The following TRMT11 variants were observed in gnomAD, a reference collection of about 807,000 sequenced individuals.
The protein encoded by TRMT11 is tRNA methyltransferase 11.
In TRMT11, 53 loss-of-function variants were observed where a neutral mutation model predicts 62.8. The observed-to-expected ratio is 0.84, with a 90% CI of 0.68 to 1.06. TRMT11 has a LOEUF of 1.06. TRMT11 is among the 50% of genes least tolerant of loss of function. The pLI, the probability that TRMT11 is intolerant of heterozygous loss-of-function variation, is 0.00. For synonymous variants in TRMT11, 188 were observed against 190.3 expected, an observed-to-expected ratio of 0.99 and a Z score of 0.10; for missense variants, 556 against 553.4, an observed-to-expected ratio of 1.00 and a Z score of -0.05.
chr6:126,219,101 T>G, the TRMT11 span, among the ~76,000 whole-genome samples: 1 of 152,338 alleles, frequency 6.6e-6, no homozygotes, highest in East Asian at 1.9e-4. Flanking sequence ...TGTTGGCAAT[T>G]CACGACTGTC....
chr6:126,237,044 A>G, the TRMT11 span, among the ~76,000 whole-genome samples: 5 of 151,078 alleles, frequency 3.3e-5, no homozygotes, highest in African/African-American at 1.2e-4. Context: ...AAACCTTTCT[A>G]GGTACTTGAC....
Position 126,011,383 on chromosome 6 carries a change from G to C in TRMT11, c.891G>C (p.Arg297Ser). Residue 297 changes from arginine (R) to serine (S), a missense_variant, in exon 9 of 13, where the codon AGG becomes AGC. Transcript: ENST00000334379. Reference protein sequence around the residue: ...LVSDASKPSWRKGTYFDAIIT... With the variant: ...LVSDASKPSWSKGTYFDAIIT... ...CAGATGCATCTAAACCTTCCTGGAG[G>C]AAGGGCACATATTTTGATGCAATCA... 2 of 1,613,082 alleles carry C rather than the reference G, an allele frequency of 1.2e-6. No homozygotes were observed. The highest frequency in any genetic ancestry group is 1.7e-6 in the Non-Finnish European group (2 of 1,179,426).
intron 21 of TRMT11, among the ~76,000 whole-genome samples, chr6:126,171,579 T>C (rs2128236184): frequency 6.6e-6 from 1 of 152,144 alleles, no homozygotes; most frequent in East Asian, 1.9e-4. Flanking sequence ...GCTCTTATAG[T>C]ATTCTTAGTG....
At chr6:126,269,354 A>G in the TRMT11 span, among the ~76,000 whole-genome samples, 1 of 152,080 alleles carries the variant, frequency 6.6e-6, no homozygotes, top group Admixed American at 6.5e-5. Flanking sequence ...AAAGCAAAAT[A>G]CACCTCTATA....
chr6:126,229,113 T>A, the TRMT11 span, among the ~76,000 whole-genome samples: 1 of 152,218 alleles, frequency 6.6e-6, no homozygotes, highest in Non-Finnish European at 1.5e-5. Flanking sequence ...TATTTCTGTG[T>A]TCTCTGATGT....
At chr6:126,250,756 A>T in the TRMT11 span, among the ~76,000 whole-genome samples, 1 of 152,188 alleles carries the variant, frequency 6.6e-6, no homozygotes, top group African/African-American at 2.4e-5. Flanking sequence ...ACTTGACTAT[A>T]TCCTTCTACC....
At chr6:126,182,100 A>G (rs979003421) in intron 1 of TRMT11, among the ~76,000 whole-genome samples, 2 of 152,222 alleles carry the variant, frequency 1.3e-5, no homozygotes, top group Non-Finnish European at 2.9e-5. Flanking sequence ...GAAAGCTTTT[A>G]TAACTTTATA....
chr6:126,246,052 G>A, the TRMT11 span, among the ~76,000 whole-genome samples: 100 of 152,152 alleles, frequency 6.6e-4, no homozygotes, highest in Admixed American at 1.2e-3. Context: ...GCCCAGATTC[G>A]TGCAAATTGC....
rs1352709292 is a variant in TRMT11, at chr6:126,072,252, G to T, written c.*1437+19062G>T. Among the ~76,000 whole-genome samples, 6 of 152,144 alleles carry T rather than the reference G, an allele frequency of 3.9e-5. No homozygotes were observed. In the East Asian group the frequency reaches 9.6e-4, roughly 24 times the overall value. ...TCTATTTCTAGGGAGCTCTGAAGTT[G>T]AACTAATGCTGCCCTTTAGCATAAG... On this transcript the variant is annotated intron_variant and NMD_transcript_variant, in intron 17 of 22. Coordinates refer to the TRMT11 transcript ENST00000648977.
chr6:126,146,097 T>C (rs951979904), intron 21 of TRMT11, among the ~76,000 whole-genome samples: 11 of 152,228 alleles, frequency 7.2e-5, no homozygotes, highest in East Asian at 3.8e-4. Context: ...GATTGCCTTC[T>C]TCCAAGCCAG....
the TRMT11 span, among the ~76,000 whole-genome samples, chr6:126,238,835 T>A: frequency 6.6e-6 from 1 of 152,184 alleles, no homozygotes; most frequent in Non-Finnish European, 1.5e-5. Flanking sequence ...ATTATTATTG[T>A]GTGGGAGTCT....
At chr6:126,162,401 G>A (rs914186994) in intron 21 of TRMT11, among the ~76,000 whole-genome samples, 2 of 152,182 alleles carry the variant, frequency 1.3e-5, no homozygotes, top group African/African-American at 4.8e-5. Flanking sequence ...CGAGGCCTCT[G>A]TTCTGTTCCA....
intron 17 of TRMT11, among the ~76,000 whole-genome samples, chr6:126,111,422 C>A (rs1476269366): frequency 6.6e-6 from 1 of 152,054 alleles, no homozygotes; most frequent in Non-Finnish European, 1.5e-5. Context: ...ACCTTAGACA[C>A]CCCCCACACT....
At chr6:126,157,946 C>T (rs1386633273) in intron 21 of TRMT11, among the ~76,000 whole-genome samples, 1 of 152,068 alleles carries the variant, frequency 6.6e-6, no homozygotes, top group Non-Finnish European at 1.5e-5. Flanking sequence ...AAGGCAAAAG[C>T]CTTTGTAACC....
chr6:126,086,547 T>G (rs558033392), intron 17 of TRMT11, among the ~76,000 whole-genome samples: 1 of 152,340 alleles, frequency 6.6e-6, no homozygotes, highest in Admixed American at 6.5e-5. Flanking sequence ...CAGATTGCTG[T>G]GTCTACCTCA....
chr6:126,230,775 A>C, the TRMT11 span, among the ~76,000 whole-genome samples: 1 of 152,024 alleles, frequency 6.6e-6, no homozygotes, highest in Non-Finnish European at 1.5e-5. Context: ...AAATATAGTA[A>C]AATGTTATAA....
the TRMT11 span, among the ~76,000 whole-genome samples, chr6:126,225,548 C>T: frequency 9.2e-5 from 14 of 152,044 alleles, no homozygotes; most frequent in Non-Finnish European, 1.9e-4. Flanking sequence ...CTCTTCCCGG[C>T]TGCATCTAGT....
At chr6:126,262,204 C>A in the TRMT11 span, among the ~76,000 whole-genome samples, 1 of 152,160 alleles carries the variant, frequency 6.6e-6, no homozygotes, top group East Asian at 1.9e-4. Flanking sequence ...GGAGGGCTTG[C>A]AACAGCCTGT....
intron 2 of TRMT11, among the ~76,000 whole-genome samples, chr6:125,994,810 G>T (rs556522413): frequency 6.6e-6 from 1 of 152,348 alleles, no homozygotes; most frequent in South Asian, 2.1e-4. Flanking sequence ...AAAAAGGAAT[G>T]AGATCATGTC....
Sources: allele counts gnomAD v4.1 joint callset (sites outside exome capture counted in the v4.1 genomes callset), GRCh38; gene constraint gnomAD v4.1.1; transcripts MANE v1.5; gene names NCBI Gene and HGNC (gene_info 2026-07-23, HGNC 2026-07-21).